NSUN6: variants seen among roughly 807,000 people sequenced by gnomAD.
NSUN6 encodes the protein tRNA (cytosine(72)-C(5))-methyltransferase NSUN6.
In NSUN6, 64 loss-of-function variants were observed where a neutral mutation model predicts 58.0. The observed-to-expected ratio is 1.10, with a 90% CI of 0.90 to 1.36. The LOEUF is 1.36. Among genes scored for constraint, NSUN6 ranks in the 40% most tolerant of loss-of-function variants. The probability of loss-of-function intolerance (pLI) is 0.00; values close to 1 mark genes in which losing one functional copy is unlikely to be tolerated. For missense variants in NSUN6, 701 were observed against 550.1 expected, an observed-to-expected ratio of 1.27 and a Z score of -2.74; for synonymous variants, 231 against 193.9, an observed-to-expected ratio of 1.19 and a Z score of -1.59.
intron 4 of NSUN6, among the ~76,000 whole-genome samples, chr10:18,614,923 A>C (rs535584897): frequency 6.6e-6 from 1 of 152,180 alleles, no homozygotes; most frequent in Non-Finnish European, 1.5e-5. Context: ...AAGATTTCTT[A>C]TAAATCTTGA....
At chr10:18,637,242 C>T (rs530721717) in intron 3 of NSUN6, among the ~76,000 whole-genome samples, 16 of 152,190 alleles carry the variant, frequency 1.1e-4, no homozygotes, top group African/African-American at 3.6e-4. Context: ...GGATTACAGG[C>T]GTGAGCCACC....
chr10:18,619,074 G>A (rs2058511880), intron 3 of NSUN6, among the ~76,000 whole-genome samples: 1 of 152,146 alleles, frequency 6.6e-6, no homozygotes, highest in Non-Finnish European at 1.5e-5. Flanking sequence ...AGTTCTGAGG[G>A]AAATCCAATC....
At chr10:18,659,143 A>G (rs11015435), upstream of NSUN6, 32,646 of 155,854 alleles carry the variant, frequency 0.21, 3,758 homozygotes, top group South Asian at 0.31. Context: ...TTGAAGGCTG[A>G]CATCAGAAGG....
intron 8 of NSUN6, among the ~76,000 whole-genome samples, chr10:18,565,953 C>T (rs2055898656): frequency 6.7e-6 from 1 of 150,080 alleles, no homozygotes; most frequent in African/African-American, 2.4e-5. Context: ...CCCTTCCATT[C>T]TCCATTCCAT....
chr10:18,626,633 T>G (rs1357630177), intron 3 of NSUN6, among the ~76,000 whole-genome samples: 5 of 152,196 alleles, frequency 3.3e-5, no homozygotes, highest in African/African-American at 1.2e-4. Context: ...CTCAGCGTGA[T>G]GCCAGACGCC....
In NSUN6 at chr10:18,545,953, C is replaced by A. The variant is rs1298802190; in HGVS notation, c.1390G>T (p.Val464Leu). 1.9e-6 allele frequency: 3 copies of A among 1,574,028 alleles called. No homozygotes were observed. The highest frequency in any genetic ancestry group is 2.0e-5 in the Admixed American group (1 of 50,044). ...DSIGFFIAKF[V>L]KCKST ...CTCTCCTATGTGCTTTTGCATTTTA[C>A]AAATTTTGCAATAAAAAAACCTATA... The change falls in exon 11 of 11, where the codon GTA becomes TTA. Residue 464 changes from valine to leucine, a missense_variant. Val to Leu is a conservative substitution (Grantham distance 32). Transcript: ENST00000377304.
chr10:18,600,941 A>AAAATATATATATATGTATAC (rs1487679670), intron 6 of NSUN6, among the ~76,000 whole-genome samples: 5 of 43,532 alleles, frequency 1.1e-4, no homozygotes, highest in Non-Finnish European at 2.2e-4. Context: ...AAAAAAAAAA[A>AAAATATATATATATGTATAC]ATATATATAT....
chr10:18,586,359 G>C (rs2131118471), intron 7 of NSUN6, among the ~76,000 whole-genome samples: 2 of 152,172 alleles, frequency 1.3e-5, no homozygotes, highest in South Asian at 4.1e-4. Context: ...TGTGTCCGGA[G>C]CTTGTTCCTT....
chr10:18,559,281 G>C (rs1020651142), intron 8 of NSUN6, among the ~76,000 whole-genome samples: 2 of 150,674 alleles, frequency 1.3e-5, no homozygotes, highest in African/African-American at 2.4e-5. Context: ...TTAGAATGTG[G>C]AATTGAATGG....
chr10:18,555,772 G>C (rs190676749), intron 8 of NSUN6, among the ~76,000 whole-genome samples: 2 of 149,802 alleles, frequency 1.3e-5, no homozygotes, highest in Admixed American at 1.3e-4. Flanking sequence ...GGAAAAGAGC[G>C]GAATGGAATG....
At chr10:18,557,685 A>T (rs1233836034) in intron 8 of NSUN6, among the ~76,000 whole-genome samples, 2 of 150,966 alleles carry the variant, frequency 1.3e-5, no homozygotes, top group Non-Finnish European at 3.0e-5. Flanking sequence ...AGGAGGATGG[A>T]ATGGAATGGA....
chr10:18,633,923 C>T (rs1264944367), intron 3 of NSUN6, among the ~76,000 whole-genome samples: 2 of 152,208 alleles, frequency 1.3e-5, no homozygotes, highest in African/African-American at 2.4e-5. Context: ...AGACCCTCGG[C>T]TCTGCTCACC....
chr10:18,614,495 G>T lies in NSUN6; in HGVS notation c.540C>A (p.Ser180Arg). Residue 180 changes from serine to arginine, a missense_variant, in exon 5 of 11, where the codon AGC becomes AGA. By Grantham distance (110) the Ser-to-Arg change is moderately radical (BLOSUM62 -1). Coordinates refer to ENST00000377304, the MANE Select transcript of NSUN6 (RefSeq NM_182543.5). Reference protein sequence around the residue: ...VFLGNGISELSRKEIFSGLPE... With the variant: ...VFLGNGISELRRKEIFSGLPE... ...GTAATCCACTGAAGATTTCTTTGCG[G>T]CTTAGTTCAGAAATCCCATTTCCAA... 6.4e-7 allele frequency: 1 copy of T among 1,557,528 alleles called. No individual in the cohort carries two copies. The highest frequency in any genetic ancestry group is 2.0e-5 in the Admixed American group (1 of 50,238).
chr10:18,651,840 G>A (rs2059715734), upstream of NSUN6: 1 of 985,348 alleles, frequency 1.0e-6, no homozygotes, highest in Admixed American at 6.1e-5. Flanking sequence ...GGTACCGGAG[G>A]GCTAGGTGCC....
intron 8 of NSUN6, among the ~76,000 whole-genome samples, chr10:18,576,358 A>G (rs1341574984): frequency 6.6e-6 from 1 of 152,030 alleles, no homozygotes; most frequent in East Asian, 1.9e-4. Context: ...GTGAATTGGG[A>G]CCATTTAATC....
chr10:18,638,672 A>T (rs2071154315), intron 3 of NSUN6, among the ~76,000 whole-genome samples: 1 of 152,146 alleles, frequency 6.6e-6, no homozygotes, highest in African/African-American at 2.4e-5. Context: ...TAAGGGAAAT[A>T]CTATGTGGCC....
At chr10:18,626,934 A>G (rs2058832133) in intron 3 of NSUN6, among the ~76,000 whole-genome samples, 1 of 152,248 alleles carries the variant, frequency 6.6e-6, no homozygotes, top group Non-Finnish European at 1.5e-5. Flanking sequence ...GACTTTTATC[A>G]AAAAGGGAGG....
At chr10:18,651,741 G>A (rs1243432163), upstream of NSUN6, 5 of 985,488 alleles carry the variant, frequency 5.1e-6, no homozygotes, top group East Asian at 5.7e-4. Flanking sequence ...CGCCCCCGGA[G>A]GTTCCTAACC....
At chr10:18,566,107 C>T (rs1388120137) in intron 8 of NSUN6, among the ~76,000 whole-genome samples, 1 of 142,782 alleles carries the variant, frequency 7.0e-6, no homozygotes, top group Admixed American at 6.9e-5. Flanking sequence ...TTCCACAATC[C>T]ATTCCATTCC....
Sources: gnomAD v4.1 joint callset for allele counts (sites outside exome capture counted in the v4.1 genomes callset) on GRCh38, gnomAD v4.1.1 for gene constraint, MANE v1.5 for transcripts, NCBI Gene and HGNC (gene_info 2026-07-23, HGNC 2026-07-21) for gene names.